The following FSTL4 variants were observed in gnomAD, a reference collection of about 807,000 sequenced individuals.
FSTL4 encodes follistatin like 4.
A neutral mutation model predicts 78.2 loss-of-function variants in FSTL4; 28 were observed. That is an observed-to-expected ratio of 0.36 (90% CI 0.27 to 0.49). The LOEUF is 0.49. Among genes scored for constraint, FSTL4 ranks in the 20% least tolerant of loss-of-function variants. FSTL4 has a pLI of 0.98. For synonymous variants in FSTL4, 422 were observed against 440.5 expected (o/e 0.96, Z 0.53); for missense variants, 922 against 1,084.9 (o/e 0.85, Z 2.11).
chr5:133,579,299 G>A (rs1760352192), intron 2 of FSTL4, among the ~76,000 whole-genome samples: 1 of 152,212 alleles, frequency 6.6e-6, no homozygotes, highest in African/African-American at 2.4e-5. Context: ...GAATATGGAG[G>A]TGAGTGCAGT....
chr5:133,289,789 T>C (rs571028061), intron 6 of FSTL4, among the ~76,000 whole-genome samples: 14 of 152,324 alleles, frequency 9.2e-5, no homozygotes, highest in African/African-American at 3.4e-4. Flanking sequence ...GATGGTACCA[T>C]GTCTCAGTGA....
chr5:133,834,974 C>CAT, the FSTL4 span, among the ~76,000 whole-genome samples: 1 of 151,866 alleles, frequency 6.6e-6, no homozygotes. Flanking sequence ...CTACACTGAA[C>CAT]ATATATGTGT....
At chr5:133,498,854 TGCTGGG>T (rs1349801613) in intron 3 of FSTL4, among the ~76,000 whole-genome samples, 5 of 151,706 alleles carry the variant, frequency 3.3e-5, no homozygotes, top group Admixed American at 2.6e-4. Context: ...ATTGAGCACC[TGCTGGG>T]GCCTGTCTTC....
chr5:133,692,555 T>C, the FSTL4 span, among the ~76,000 whole-genome samples: 3 of 152,116 alleles, frequency 2.0e-5, no homozygotes, highest in Admixed American at 6.5e-5. Context: ...AGCACAGAAA[T>C]TGACACGGAG....
chr5:133,435,107 C>T (rs530808545), intron 3 of FSTL4, among the ~76,000 whole-genome samples: 1 of 152,144 alleles, frequency 6.6e-6, no homozygotes, highest in Admixed American at 6.5e-5. Context: ...ATATATCAAC[C>T]ATGTCTCTAA....
At chr5:133,514,031 T>C (rs1758796168) in intron 3 of FSTL4, among the ~76,000 whole-genome samples, 1 of 151,574 alleles carries the variant, frequency 6.6e-6, no homozygotes, top group South Asian at 2.1e-4. Context: ...ACAAAAAAAT[T>C]AGCCAGGCGT....
At position 133,312,782 on chromosome 5, in the gene FSTL4, G is replaced by A. The variant is rs1044930741; in HGVS notation, c.604-5C>T. ...GTCCTGCTTCTTCAGCACATGCTGT[G>A]GGGTGAGGAGGAGAACAAGGCCAGA... On this transcript the variant is annotated splice_polypyrimidine_tract_variant and splice_region_variant and intron_variant, in intron 5 of 15. Coordinates refer to ENST00000265342, the MANE Select transcript of FSTL4 (RefSeq NM_015082.2). 3 of 1,613,806 alleles carry A rather than the reference G, an allele frequency of 1.9e-6. No homozygotes were observed. In the African/African-American group the frequency reaches 4.0e-5, roughly 22 times the overall value.
At position 133,462,928 on chromosome 5, in the gene FSTL4, C is replaced by T. The variant is rs559507849; in HGVS notation, c.161-61942G>A. 5.8e-4 allele frequency among the ~76,000 whole-genome samples: 89 copies of T among 152,328 alleles called. 1 individual carries two copies. Among genetic ancestry groups the T allele is most frequent in the African/African-American group, 2.0e-3 (84 of 41,582 alleles). ...CTCAGTTTCTGAGCTGCGCCTGGGC[C>T]AAGGTCTCAGAGATGGGAGACTTTG... On this transcript the variant is annotated intron_variant, in intron 3 of 15. Coordinates refer to ENST00000265342, the MANE Select transcript of FSTL4 (RefSeq NM_015082.2).
intron 3 of FSTL4, among the ~76,000 whole-genome samples, chr5:133,480,064 C>T (rs559194570): frequency 6.6e-6 from 1 of 152,308 alleles, no homozygotes; most frequent in Admixed American, 6.5e-5. Context: ...TGTGACAGGA[C>T]CTAACACCGA....
chr5:133,819,041 CCACATGCCCACCGCCCACA>C, the FSTL4 span, among the ~76,000 whole-genome samples: 4,719 of 147,264 alleles, frequency 0.032, 107 homozygotes, highest in Non-Finnish European at 0.049. Context: ...AGCCGTCCAC[CCACATGCCCACCGCCCACA>C]CACATAGCTT....
chr5:133,451,919 A>C (rs1757392709), intron 3 of FSTL4, among the ~76,000 whole-genome samples: 1 of 152,276 alleles, frequency 6.6e-6, no homozygotes, highest in South Asian at 2.1e-4. Flanking sequence ...CAAGGTGGCC[A>C]CAGCCAAAGA....
Position 133,316,453 on chromosome 5 carries a change from G to A in FSTL4, c.603+6C>T. On this transcript the variant is annotated splice_donor_region_variant and intron_variant, in intron 5 of 15. Transcript: ENST00000265342. ...TCATGTGACTTTCACTGAACACGAT[G>A]CCCACCTGAGCCAGTTCGGAGCTGC... The A allele has an allele frequency of 2.5e-6, 4 of 1,609,176 alleles. No homozygotes were observed. The highest frequency in any genetic ancestry group is 3.4e-6 in the Non-Finnish European group (4 of 1,176,234).
chr5:133,822,639 G>A, the FSTL4 span, among the ~76,000 whole-genome samples: 1 of 152,184 alleles, frequency 6.6e-6, no homozygotes, highest in East Asian at 1.9e-4. Context: ...GAACATTCCG[G>A]GGGCGTCATG....
chr5:133,683,461 C>T, the FSTL4 span, among the ~76,000 whole-genome samples: 22,893 of 152,090 alleles, frequency 0.15, 4,715 homozygotes, highest in African/African-American at 0.47. Context: ...TTTTTCTCCA[C>T]TCGTTTTTAA....
rs145621183 is a variant in FSTL4, at chr5:133,475,062, G to A, written c.161-74076C>T. ...GTGTCACAAGCAGGCTGTGAGCCTC[G>A]TGTGCAGCCCAGGCTGGCCCCAGGA... On this transcript the variant is annotated intron_variant, in intron 3 of 15. Transcript: ENST00000265342. Among the ~76,000 whole-genome samples, 404 of 152,330 alleles carry A rather than the reference G, an allele frequency of 2.7e-3. 1 individual carries two copies. The highest frequency in any genetic ancestry group is 9.4e-3 in the African/African-American group (392 of 41,582).
chr5:133,767,026 A>G, the FSTL4 span, among the ~76,000 whole-genome samples: 15 of 152,238 alleles, frequency 9.9e-5, no homozygotes, highest in East Asian at 2.7e-3. Context: ...GAGGAGACAG[A>G]GTAGGAAAAG....
chr5:133,346,030 G>A (rs1004084187), intron 4 of FSTL4, among the ~76,000 whole-genome samples: 2 of 152,146 alleles, frequency 1.3e-5, no homozygotes, highest in African/African-American at 2.4e-5. Context: ...AAGGAAATGT[G>A]GCACATACAC....
chr5:133,701,915 T>C, the FSTL4 span, among the ~76,000 whole-genome samples: 2 of 152,046 alleles, frequency 1.3e-5, no homozygotes, highest in African/African-American at 4.8e-5. Context: ...GAGCATTCCA[T>C]AAGGAAACCT....
the FSTL4 span, among the ~76,000 whole-genome samples, chr5:133,665,842 G>A: frequency 6.6e-6 from 1 of 152,172 alleles, no homozygotes; most frequent in Non-Finnish European, 1.5e-5. Context: ...CGGAGCAAGA[G>A]AGCCCAGGCC....
Sources: gnomAD v4.1 joint callset for allele counts (sites outside exome capture counted in the v4.1 genomes callset) on GRCh38, gnomAD v4.1.1 for gene constraint, MANE v1.5 for transcripts, NCBI Gene and HGNC (gene_info 2026-07-23, HGNC 2026-07-21) for gene names.